Variants in TNRC18 observed in about 807,000 individuals in gnomAD.
The protein encoded by TNRC18 is trinucleotide repeat-containing gene 18 protein.
TNRC18 carries 69 observed loss-of-function variants against 226.7 expected under a neutral mutation model. The observed-to-expected ratio is 0.30, with a 90% CI of 0.25 to 0.37. The LOEUF is 0.37. TNRC18 is among the 10% of genes least tolerant of loss of function. TNRC18 has a pLI of 1.00. For synonymous variants in TNRC18, 2,449 were observed against 1,927.6 expected, an observed-to-expected ratio of 1.27 and a Z score of -7.09; for missense variants, 4,754 against 4,256.6, an observed-to-expected ratio of 1.12 and a Z score of -3.25.
chr7:5,356,832 G>C (rs958054812), intron 16 of TNRC18, 84 bp downstream of exon 16: 24 of 1,435,612 alleles, frequency 1.7e-5, no homozygotes, highest in Middle Eastern at 2.5e-4. Context: ...GTGAGGGGCG[G>C]GGGGGGAAGG....
At position 5,332,892 on chromosome 7, in the gene TNRC18, G is replaced by T; in HGVS notation, c.5877C>A (p.Asp1959Glu). ...GARGPDPSSP[D>E]KAKLAVEKGR... ...CCTTCTCCACCGCCAGCTTGGCCTT[G>T]TCTGGGCTGCTGGGGTCGGGACCGC... The change falls in exon 19 of 30, where the codon GAC becomes GAA. Residue 1959 changes from aspartate (D) to glutamate (E), a missense_variant. Physicochemically the swap from Asp to Glu is conservative, Grantham distance 45 (BLOSUM62 2). Transcript: ENST00000430969. 2.0e-6 allele frequency: 3 copies of T among 1,531,842 alleles called. No homozygotes were observed. The highest frequency in any genetic ancestry group is 2.6e-6 in the Non-Finnish European group (3 of 1,147,092). 94.9% of individuals were successfully genotyped at this position (1,531,842 alleles called of 1,614,324 possible).
Position 5,421,324 on chromosome 7 carries a change from G to T in TNRC18, c.-78C>A. The stretch of plus-strand genomic sequence containing the variant: ...AGTGGGACCTAAAAGTTCGGCCTCG[G>T]CGTAGTCCCAGAGTCCTCGGGCGGC... On this transcript the variant is annotated 5_prime_UTR_variant, in exon 2 of 30. Coordinates refer to ENST00000430969, the MANE Select transcript of TNRC18 (RefSeq NM_001080495.3). 2.5e-6 allele frequency: 3 copies of T among 1,203,014 alleles called. No homozygotes were observed. The Admixed American group carries it at 1.3e-4, about 52-fold the overall frequency. The allele number at this position is 1,203,014 out of a possible 1,614,324, so 74.5% of individuals were successfully genotyped here. A position where few individuals can be genotyped will look rare whatever the true frequency, so the allele number is the denominator to read the frequency against.
At chr7:5,361,128 G>A (rs896630627) in intron 14 of TNRC18, among the ~76,000 whole-genome samples, 6 of 152,300 alleles carry the variant, frequency 3.9e-5, no homozygotes, top group Admixed American at 2.0e-4. Context: ...ACCGCCGCCC[G>A]AGGAGGAGAA....
At position 5,388,407 on chromosome 7, in the gene TNRC18, T is replaced by C; in HGVS notation, c.1417A>G (p.Arg473Gly). 2 of 1,497,560 alleles carry C rather than the reference T, an allele frequency of 1.3e-6. No individual in the cohort carries two copies. Among genetic ancestry groups the C allele is most frequent in the Middle Eastern group, 3.5e-4 (2 of 5,764 alleles). The allele number at this position is 1,497,560 out of a possible 1,614,324, so 92.8% of individuals were successfully genotyped here. ...CCGCGGGGCGCACGCTCGCAGGGCC[T>C]CGGGTCCGCCTCGGGCTTGAGCAGC... ...KELLKPEADP[R>G]PCERAPRGPA... Residue 473 changes from arginine to glycine, a missense_variant, in exon 5 of 30, where the codon AGG becomes GGG. Physicochemically the swap from Arg to Gly is moderately radical, Grantham distance 125. Transcript: ENST00000430969.
At chr7:5,320,993 G>A in intron 22 of TNRC18, 80 bp downstream of exon 22, 2 of 1,026,004 alleles carry the variant, frequency 1.9e-6, no homozygotes. Flanking sequence ...GAAAGGAGAA[G>A]CAGCCAGGCA....
Position 5,389,056 on chromosome 7 carries a change from C to CA in TNRC18, c.767_768insT (p.Arg257AlafsTer4). 1 of 1,282,266 alleles carries CA rather than the reference C, an allele frequency of 7.8e-7. No individual in the cohort carries two copies. 79.4% of individuals were successfully genotyped at this position (1,282,266 alleles called of 1,614,324 possible). On this transcript the variant is annotated frameshift_variant, in exon 5 of 30. Transcript: ENST00000430969. LOFTEE classifies it high-confidence loss of function. ...AGGGCGACAGGCGCTCAGCCAGGCG[C>CA]GGGGGCCCCCGGTCCTGGCGGCCCT...
intron 21 of TNRC18, among the ~76,000 whole-genome samples, chr7:5,322,288 T>TCATCATCAC (rs1226853199): frequency 6.6e-6 from 1 of 151,076 alleles, no homozygotes; most frequent in Non-Finnish European, 1.5e-5. Flanking sequence ...TCAATAATCA[T>TCATCATCAC]CATCATCATC....
rs1226340278 is a variant in TNRC18, at chr7:5,309,420, C to A, written c.8389-52G>T. 16 of 1,513,926 alleles carry A rather than the reference C, an allele frequency of 1.1e-5. No homozygotes were observed. The highest frequency in any genetic ancestry group is 1.4e-5 in the Non-Finnish European group (16 of 1,120,646). 93.8% of individuals were successfully genotyped at this position (1,513,926 alleles called of 1,614,324 possible). A position where few individuals can be genotyped will look rare whatever the true frequency, so the allele number is the denominator to read the frequency against. On this transcript the variant is annotated intron_variant, in intron 27 of 29. Coordinates refer to ENST00000430969, the MANE Select transcript of TNRC18 (RefSeq NM_001080495.3). The surrounding 1 kb of genome is among the most constrained non-coding windows in gnomAD (Gnocchi z 5.7). The stretch of plus-strand genomic sequence containing the variant: ...AGGCCCTGGCCCAGCCCCAAGGAGC[C>A]CGCCGCCTGGCAGGCTCTGCCGCTT...
intron 2 of TNRC18, among the ~76,000 whole-genome samples, chr7:5,397,114 C>G (rs1052929990): frequency 6.6e-6 from 1 of 152,188 alleles, no homozygotes; most frequent in Admixed American, 6.5e-5. Context: ...CAGGCCCAGC[C>G]CCCTCACCGG....
chr7:5,385,482 G>A (rs1327036408), intron 5 of TNRC18, among the ~76,000 whole-genome samples: 1 of 112,468 alleles, frequency 8.9e-6, no homozygotes, highest in African/African-American at 3.2e-5. Context: ...GCGACAGAGC[G>A]AGACTCCGTC....
rs138622792 is a variant in TNRC18 at position 5,387,603 on chromosome 7, C to T, written c.2152+69G>A. Reference sequence around the variant, plus strand: ...CAATAGCAAAGGGAAAGGGCCCACACTGTAATGTACGGGAAACGGCAGAGA... The same window carrying T: ...CAATAGCAAAGGGAAAGGGCCCACATTGTAATGTACGGGAAACGGCAGAGA... On this transcript the variant is annotated intron_variant, in intron 5 of 29. Transcript: ENST00000430969. The T allele has an allele frequency of 1.7e-5, 27 of 1,577,430 alleles. No individual in the cohort carries two copies. The African/African-American group carries it at 3.3e-4, about 19-fold the overall frequency.
rs868315817 is a variant in TNRC18 at position 5,376,209 on chromosome 7, C to A, written c.2624G>T (p.Arg875Leu). 1 of 1,507,966 alleles carries A rather than the reference C, an allele frequency of 6.6e-7. No homozygotes were observed. Among genetic ancestry groups the A allele is most frequent in the Non-Finnish European group, 8.8e-7 (1 of 1,131,528 alleles). The allele number at this position is 1,507,966 out of a possible 1,614,324, so 93.4% of individuals were successfully genotyped here. A position where few individuals can be genotyped will look rare whatever the true frequency, so the allele number is the denominator to read the frequency against. The change falls in exon 9 of 30, where the codon CGG becomes CTG. Residue 875 changes from arginine (R) to leucine (L), a missense_variant. Transcript: ENST00000430969. ...GGGCCAGAGGGGCGGTACGGTGGCC[C>A]GCTCCATCAGCTCCGCTGCAGGGAC... ...HLPHFAELME[R>L]ATVPPLWPAL...
rs1780551132 is a variant in TNRC18 at position 5,394,734 on chromosome 7, G to T, written c.188-139C>A. 1.5e-6 allele frequency: 1 copy of T among 672,896 alleles called. No individual in the cohort carries two copies. The highest frequency in any genetic ancestry group is 3.3e-5 in the Admixed American group (1 of 30,390). The allele number at this position is 672,896 out of a possible 1,614,324, so 41.7% of individuals were successfully genotyped here. A position where few individuals can be genotyped will look rare whatever the true frequency, so the allele number is the denominator to read the frequency against. On this transcript the variant is annotated intron_variant, in intron 2 of 29. Coordinates refer to ENST00000430969, the MANE Select transcript of TNRC18 (RefSeq NM_001080495.3). The surrounding 1 kb of genome is among the most constrained non-coding windows in gnomAD (Gnocchi z 4.5). Reference sequence around the variant, plus strand: ...AGCTGATGCTGGCCAGGAGACCAAAGAGGGTTCCCCTGCTCCGGCCCCACC... The same window carrying T: ...AGCTGATGCTGGCCAGGAGACCAAATAGGGTTCCCCTGCTCCGGCCCCACC...
rs1334481909 is a variant in TNRC18, at chr7:5,355,777, C to T, written c.5194+1139G>A. 2.6e-5 allele frequency among the ~76,000 whole-genome samples: 4 copies of T among 152,076 alleles called. No homozygotes were observed. In the East Asian group the frequency reaches 7.7e-4, roughly 29 times the overall value. ...CACCTAGTCCCAGCTACTCGGAGGG[C>T]TAAGGCAGGAAGATCACTTGAGCCC... On this transcript the variant is annotated intron_variant, in intron 16 of 29. Transcript: ENST00000430969.
In TNRC18 at chr7:5,332,718, G is replaced by T; in HGVS notation, c.6051C>A (p.Thr2017=). The change falls in exon 19 of 30, where the codon ACC becomes ACA. Residue 2017 remains threonine, a synonymous_variant. Transcript: ENST00000430969. The stretch of plus-strand genomic sequence containing the variant: ...AGCGGCTGGTCTTGGTGGCGGGCGC[G>T]GTGCTGACGGGCGCAGGTGCAGCAG... ...ASAAAPAPVS[T]APATKTSRCA... 2 of 1,525,756 alleles carry T rather than the reference G, an allele frequency of 1.3e-6. No homozygotes were observed. The highest frequency in any genetic ancestry group is 1.8e-6 in the Non-Finnish European group (2 of 1,141,040). 94.5% of individuals were successfully genotyped at this position (1,525,756 alleles called of 1,614,324 possible). A position where few individuals can be genotyped will look rare whatever the true frequency, so the allele number is the denominator to read the frequency against.
At chr7:5,317,462 ATGC>A (rs1386365958) in intron 24 of TNRC18, among the ~76,000 whole-genome samples, 2 of 152,034 alleles carry the variant, frequency 1.3e-5, no homozygotes, top group African/African-American at 4.8e-5. Context: ...ATGGTGGTGC[ATGC>A]CTGTAATCCC....
chr7:5,399,619 T>C (rs1260913644), intron 2 of TNRC18, among the ~76,000 whole-genome samples: 1 of 151,826 alleles, frequency 6.6e-6, no homozygotes, highest in African/African-American at 2.4e-5. Flanking sequence ...GGCAGGGGAA[T>C]TGCTTGAACC....
rs532316511 is a variant in TNRC18 at position 5,309,442 on chromosome 7, G to A, written c.8389-74C>T. Reference sequence around the variant, plus strand: ...AGCCCGCCGCCTGGCAGGCTCTGCCGCTTGGGACTCTGGGCCCTCGGCCTC... The same window carrying A: ...AGCCCGCCGCCTGGCAGGCTCTGCCACTTGGGACTCTGGGCCCTCGGCCTC... On this transcript the variant is annotated intron_variant, in intron 27 of 29. Coordinates refer to ENST00000430969, the MANE Select transcript of TNRC18 (RefSeq NM_001080495.3). The surrounding 1 kb of genome is among the most constrained non-coding windows in gnomAD (Gnocchi z 5.7). 167 of 1,371,038 alleles carry A rather than the reference G, an allele frequency of 1.2e-4. 1 individual carries two copies. The African/African-American group carries it at 2.1e-3, about 17-fold the overall frequency. 84.9% of individuals were successfully genotyped at this position (1,371,038 alleles called of 1,614,324 possible).
intron 2 of TNRC18, among the ~76,000 whole-genome samples, chr7:5,402,520 G>C (rs950138452): frequency 6.6e-6 from 1 of 150,714 alleles, no homozygotes; most frequent in African/African-American, 2.4e-5. Flanking sequence ...GTGACAGAGC[G>C]AGACCCTGTC....
Sources: gnomAD v4.1 joint callset for allele counts (sites outside exome capture counted in the v4.1 genomes callset) on GRCh38, gnomAD v4.1.1 for gene constraint, Gnocchi (gnomAD v3.1) non-coding constraint, MANE v1.5 for transcripts, NCBI Gene and HGNC (gene_info 2026-07-23, HGNC 2026-07-21) for gene names.